Variants in CDYL2 observed in about 807,000 individuals in gnomAD.
CDYL2 encodes chromodomain Y like 2.
Under a neutral mutation model 49.4 loss-of-function variants are expected in CDYL2, and 23 were observed. That is an observed-to-expected ratio of 0.47 (90% CI 0.34 to 0.66). The LOEUF (loss-of-function observed/expected upper bound fraction) is 0.66. Among genes scored for constraint, CDYL2 ranks in the 30% least tolerant of loss-of-function variants. CDYL2 has a pLI of 0.01. For missense variants in CDYL2, 678 were observed against 656.4 expected (o/e 1.03, Z -0.36); for synonymous variants, 360 against 268.8 (o/e 1.34, Z -3.32).
At chr16:80,758,133 G>A (rs572132288) in intron 1 of CDYL2, among the ~76,000 whole-genome samples, 1 of 152,040 alleles carries the variant, frequency 6.6e-6, no homozygotes, top group Non-Finnish European at 1.5e-5. Flanking sequence ...CTTAATTGTT[G>A]GTAAATGTGA....
chr16:80,620,211 G>T (rs1907017722), intron 4 of CDYL2, among the ~76,000 whole-genome samples: 1 of 152,226 alleles, frequency 6.6e-6, no homozygotes, highest in South Asian at 2.1e-4. Context: ...TCATTGTTGG[G>T]ACTGGATGTC....
intron 2 of CDYL2, among the ~76,000 whole-genome samples, chr16:80,634,191 A>T (rs1907708002): frequency 6.7e-6 from 1 of 149,746 alleles, no homozygotes; most frequent in South Asian, 2.1e-4. Context: ...ATAAAGACAT[A>T]TACACATATG....
chr16:80,740,472 C>G (rs1237903866), intron 1 of CDYL2, among the ~76,000 whole-genome samples: 2 of 152,180 alleles, frequency 1.3e-5, no homozygotes, highest in African/African-American at 2.4e-5. Flanking sequence ...ATTAAAAATT[C>G]AAGCCTGACA....
chr16:80,721,959 G>C (rs749460840), intron 1 of CDYL2, among the ~76,000 whole-genome samples: 19 of 152,188 alleles, frequency 1.2e-4, no homozygotes, highest in Non-Finnish European at 2.6e-4. Flanking sequence ...CCCAGTTCTG[G>C]TGTCTGTTAG....
rs145537003 is a variant in CDYL2 at position 80,633,120 on chromosome 16, T to C, written c.733A>G (p.Ser245Gly). Reference sequence around the variant, plus strand: ...ACGATGTCTCGAAACCGACAGTTGCTTTCATTCTGGCGGACACTGTATCTG... The same window carrying C: ...ACGATGTCTCGAAACCGACAGTTGCCTTCATTCTGGCGGACACTGTATCTG... ...RLRYSVRQNE[S>G]NCRFRDIVVR... is the part of the protein sequence containing the mutation. Residue 245 changes from serine (S) to glycine (G), a missense_variant, in exon 3 of 7, where the codon AGC becomes GGC. By Grantham distance (56) the Ser-to-Gly change is moderately conservative. Coordinates refer to ENST00000570137, the MANE Select transcript of CDYL2 (RefSeq NM_152342.4). The C allele has an allele frequency of 1.4e-3, 2,299 of 1,614,194 alleles. 6 individuals carry two copies. The highest frequency in any genetic ancestry group is 1.7e-3 in the Non-Finnish European group (1,983 of 1,180,028).
intron 3 of CDYL2, chr16:80,632,542 T>A: frequency 6.2e-6 from 1 of 160,822 alleles, no homozygotes; most frequent in Non-Finnish European, 1.4e-5. Context: ...ATTGTACATT[T>A]TAAAAGGGTG....
At chr16:80,740,121 A>C (rs1407905683) in intron 1 of CDYL2, among the ~76,000 whole-genome samples, 1 of 152,208 alleles carries the variant, frequency 6.6e-6, no homozygotes, top group African/African-American at 2.4e-5. Flanking sequence ...TAAATCGGGC[A>C]GGATTGACAA....
chr16:80,741,336 G>T (rs1377729950), intron 1 of CDYL2, among the ~76,000 whole-genome samples: 3 of 151,126 alleles, frequency 2.0e-5, no homozygotes, highest in Non-Finnish European at 4.4e-5. Flanking sequence ...TTTACCTCAA[G>T]AATTAAATGT....
intron 6 of CDYL2, among the ~76,000 whole-genome samples, chr16:80,607,400 G>A (rs1906387589): frequency 2.0e-5 from 3 of 152,258 alleles, no homozygotes; most frequent in South Asian, 2.1e-4. Flanking sequence ...AAAAATGCAC[G>A]CAGCAGCTCC....
At position 80,612,943 on chromosome 16, in the gene CDYL2, A is replaced by T; in HGVS notation, c.1008-107T>A. 2 of 1,023,152 alleles carry T rather than the reference A, an allele frequency of 2.0e-6. No homozygotes were observed. The highest frequency in any genetic ancestry group is 2.8e-6 in the Non-Finnish European group (2 of 718,460). The allele number at this position is 1,023,152 out of a possible 1,614,324, so 63.4% of individuals were successfully genotyped here. On this transcript the variant is annotated intron_variant, in intron 4 of 6. Coordinates refer to ENST00000570137, the MANE Select transcript of CDYL2 (RefSeq NM_152342.4). This position sits in a 1 kb window ranked among gnomAD's most constrained non-coding sequence, Gnocchi z 5.0. ...GTGAGGAGCACCCTCAGGTCGTCAG[A>T]GGTTAGAGGTGCCAGGCAAGGGCCT...
intron 1 of CDYL2, among the ~76,000 whole-genome samples, chr16:80,698,677 T>C (rs1904286574): frequency 6.6e-6 from 1 of 152,106 alleles, no homozygotes; most frequent in South Asian, 2.1e-4. Flanking sequence ...TTTCAAAGTA[T>C]GTAGCATCTC....
chr16:80,712,187 G>GTATATATATATATA (rs1464649825), intron 1 of CDYL2, among the ~76,000 whole-genome samples: 2,572 of 37,454 alleles, frequency 0.069, 122 homozygotes, highest in Non-Finnish European at 0.078. Context: ...TTGTGTCTGT[G>GTATATATATATATA]TGTGTATATA....
intron 1 of CDYL2, among the ~76,000 whole-genome samples, chr16:80,702,705 G>C (rs529596990): frequency 6.6e-6 from 1 of 152,198 alleles, no homozygotes; most frequent in Non-Finnish European, 1.5e-5. Flanking sequence ...GGCTATGATC[G>C]TACCACTGCA....
chr16:80,703,348 C>T (rs551400187), intron 1 of CDYL2, among the ~76,000 whole-genome samples: 17 of 152,066 alleles, frequency 1.1e-4, no homozygotes, highest in Admixed American at 9.8e-4. Flanking sequence ...CTCTTTTTTT[C>T]GACTGTGAAC....
intron 1 of CDYL2, among the ~76,000 whole-genome samples, chr16:80,714,127 T>C (rs1309361902): frequency 6.6e-6 from 1 of 152,172 alleles, no homozygotes; most frequent in African/African-American, 2.4e-5. Flanking sequence ...TATTTATATA[T>C]TCAAATGTAA....
intron 1 of CDYL2, among the ~76,000 whole-genome samples, chr16:80,739,282 G>A (rs1195029861): frequency 6.6e-6 from 1 of 152,180 alleles, no homozygotes; most frequent in Non-Finnish European, 1.5e-5. Flanking sequence ...GTTTAATGGG[G>A]ACAGAGATTC....
chr16:80,711,877 C>A (rs199905885), intron 1 of CDYL2, among the ~76,000 whole-genome samples: 4 of 151,920 alleles, frequency 2.6e-5, no homozygotes, highest in Admixed American at 2.6e-4. Context: ...TATGGCACTG[C>A]GGAATAGAGA....
chr16:80,690,136 A>G (rs1284028835), intron 1 of CDYL2, among the ~76,000 whole-genome samples: 1 of 150,090 alleles, frequency 6.7e-6, no homozygotes, highest in Non-Finnish European at 1.5e-5. Context: ...TAAAAAAAAA[A>G]TAAAAAAATA....
At chr16:80,689,353 T>C (rs1291640312) in intron 1 of CDYL2, among the ~76,000 whole-genome samples, 1 of 152,212 alleles carries the variant, frequency 6.6e-6, no homozygotes, top group Admixed American at 6.5e-5. Context: ...TCTTGACTGG[T>C]ACATGCATAG....
Sources: gnomAD v4.1 joint callset for allele counts (sites outside exome capture counted in the v4.1 genomes callset) on GRCh38, gnomAD v4.1.1 for gene constraint, Gnocchi (gnomAD v3.1) non-coding constraint, MANE v1.5 for transcripts, NCBI Gene and HGNC (gene_info 2026-07-23, HGNC 2026-07-21) for gene names.